SEM1: variants seen among roughly 807,000 people sequenced by gnomAD.
The protein encoded by SEM1 is 26S proteasome complex subunit SEM1.
SEM1 carries 3 observed loss-of-function variants against 12.7 expected under a neutral mutation model. The ratio of observed to expected loss-of-function variants is 0.24; its 90% CI spans 0.11 to 0.61. The LOEUF is 0.61. SEM1 is among the 20% of genes least tolerant of loss of function. The pLI, the probability that SEM1 is intolerant of heterozygous loss-of-function variation, is 0.88. For missense variants in SEM1, 59 were observed against 81.3 expected (o/e 0.73, Z 1.06); for synonymous variants, 30 against 27.8 (o/e 1.08, Z -0.25).
chr7:96,541,058 G>T (rs962905727), intron 2 of SEM1, among the ~76,000 whole-genome samples: 3 of 151,682 alleles, frequency 2.0e-5, no homozygotes, highest in African/African-American at 7.3e-5. Flanking sequence ...TGAGTGCCTG[G>T]GTCTTTTTGG....
At chr7:96,647,509 G>A (rs1042990449) in intron 2 of SEM1, 1 of 152,118 alleles carries the variant, frequency 6.6e-6, no homozygotes, top group Non-Finnish European at 1.5e-5. Context: ...TCTCATCAGT[G>A]AGAACATGGC....
intron 2 of SEM1, among the ~76,000 whole-genome samples, chr7:96,681,744 A>G (rs1459608820): frequency 6.6e-6 from 1 of 152,056 alleles, no homozygotes; most frequent in Non-Finnish European, 1.5e-5. Flanking sequence ...ATTGGTTTAC[A>G]TATCTGTTTT....
intron 2 of SEM1, among the ~76,000 whole-genome samples, chr7:96,570,751 G>C (rs1805996916): frequency 6.6e-6 from 1 of 152,078 alleles, no homozygotes; most frequent in South Asian, 2.1e-4. Flanking sequence ...GGTATTTCTG[G>C]TTCTAGATCC....
At chr7:96,548,313 T>C (rs1352750992) in intron 2 of SEM1, among the ~76,000 whole-genome samples, 1 of 152,104 alleles carries the variant, frequency 6.6e-6, no homozygotes, top group Non-Finnish European at 1.5e-5. Flanking sequence ...GAGGAGCCAA[T>C]AGTTTGAGCT....
At chr7:96,671,218 A>G (rs1789308266), downstream of SEM1, among the ~76,000 whole-genome samples, 1 of 152,216 alleles carries the variant, frequency 6.6e-6, no homozygotes, top group Non-Finnish European at 1.5e-5. Context: ...GAAATCAGCA[A>G]TAAGACTTAA....
intron 2 of SEM1, among the ~76,000 whole-genome samples, chr7:96,581,245 T>A (rs918846708): frequency 5.7e-4 from 87 of 152,158 alleles, no homozygotes; most frequent in Non-Finnish European, 9.0e-4. Flanking sequence ...CCCCATTGCT[T>A]GTTTTTCTCA....
At chr7:96,541,446 T>TG (rs1563052842) in intron 2 of SEM1, among the ~76,000 whole-genome samples, 3 of 141,426 alleles carry the variant, frequency 2.1e-5, no homozygotes, top group Admixed American at 1.4e-4. Context: ...TTTTTTTGTT[T>TG]TTTTTTTTTT....
At chr7:96,698,440 G>A (rs2115935200) in intron 1 of SEM1, among the ~76,000 whole-genome samples, 1 of 152,088 alleles carries the variant, frequency 6.6e-6, no homozygotes, top group East Asian at 1.9e-4. Context: ...AGGCCCAGGT[G>A]TGTGATGTTC....
chr7:96,540,801 T>A (rs1248616759), intron 2 of SEM1, among the ~76,000 whole-genome samples: 1 of 151,802 alleles, frequency 6.6e-6, no homozygotes, highest in Admixed American at 6.6e-5. Context: ...GAGTACCCAA[T>A]GTTTAGCTCC....
chr7:96,549,221 G>C (rs1475207772), intron 2 of SEM1, among the ~76,000 whole-genome samples: 1 of 152,168 alleles, frequency 6.6e-6, no homozygotes, highest in Non-Finnish European at 1.5e-5. Context: ...TAGTTTGCCT[G>C]GGACTGTCCG....
chr7:96,683,694 T>C (rs1584860611), intron 2 of SEM1, among the ~76,000 whole-genome samples: 1 of 152,186 alleles, frequency 6.6e-6, no homozygotes, highest in African/African-American at 2.4e-5. Context: ...TGGAATACTA[T>C]GCAGCCATAA....
chr7:96,511,385 CAA>C (rs1001976866), intron 2 of SEM1, among the ~76,000 whole-genome samples: 1 of 151,860 alleles, frequency 6.6e-6, no homozygotes, highest in African/African-American at 2.4e-5. Flanking sequence ...ATAAAGATTC[CAA>C]GAGAGAGATT....
intron 2 of SEM1, among the ~76,000 whole-genome samples, chr7:96,598,014 T>A (rs1351201928): frequency 6.6e-6 from 1 of 152,234 alleles, no homozygotes; most frequent in Non-Finnish European, 1.5e-5. Flanking sequence ...GTACATGGTT[T>A]CCTCAGTCAT....
At chr7:96,671,873 TCA>T (rs1264073061), downstream of SEM1, among the ~76,000 whole-genome samples, 2 of 152,230 alleles carry the variant, frequency 1.3e-5, no homozygotes, top group African/African-American at 2.4e-5. Context: ...GGCTTTAGAT[TCA>T]CAGTGTAAAC....
At chr7:96,538,342 T>A (rs2115762340) in intron 2 of SEM1, among the ~76,000 whole-genome samples, 1 of 151,978 alleles carries the variant, frequency 6.6e-6, no homozygotes, top group African/African-American at 2.4e-5. Flanking sequence ...CTTCAGACTA[T>A]GTTTGCCTTT....
chr7:96,508,339 G>C (rs909046360), intron 2 of SEM1, among the ~76,000 whole-genome samples: 1 of 152,064 alleles, frequency 6.6e-6, no homozygotes, highest in Non-Finnish European at 1.5e-5. Context: ...GGAAAGATAA[G>C]AGAAATAGAG....
intron 1 of SEM1, among the ~76,000 whole-genome samples, chr7:96,704,165 G>A (rs554389005): frequency 2.0e-5 from 3 of 152,016 alleles, no homozygotes; most frequent in African/African-American, 7.2e-5. Flanking sequence ...AATCAAGTAG[G>A]AGGAAATAGT....
chr7:96,614,844 GCACACACACATA>G (rs1030525611), intron 2 of SEM1, among the ~76,000 whole-genome samples: 2 of 151,880 alleles, frequency 1.3e-5, no homozygotes, highest in African/African-American at 4.9e-5. Context: ...ACACATATGT[GCACACACACATA>G]CACACACACA....
intron 2 of SEM1, among the ~76,000 whole-genome samples, chr7:96,562,567 G>A (rs188938399): frequency 1.3e-5 from 2 of 152,298 alleles, no homozygotes; most frequent in African/African-American, 4.8e-5. Flanking sequence ...GGATTGGATG[G>A]TCAATGGAAA....
Sources: gnomAD v4.1 joint callset for allele counts (sites outside exome capture counted in the v4.1 genomes callset) on GRCh38, gnomAD v4.1.1 for gene constraint, MANE v1.5 for transcripts, NCBI Gene and HGNC (gene_info 2026-07-23, HGNC 2026-07-21) for gene names.